The following PLCXD3 variants were observed in gnomAD, a reference collection of about 807,000 sequenced individuals.
PLCXD3 encodes the protein phosphatidylinositol specific phospholipase C X domain containing 3.
A neutral mutation model predicts 25.5 loss-of-function variants in PLCXD3; 19 were observed. The observed-to-expected ratio is 0.75, with a 90% CI of 0.52 to 1.09. PLCXD3 has a LOEUF of 1.09. Ranked by LOEUF, PLCXD3 falls within the 50% of genes least tolerant of loss-of-function variation. The probability of loss-of-function intolerance (pLI) is 0.00; values close to 1 mark genes in which losing one functional copy is unlikely to be tolerated. For missense variants in PLCXD3, 411 were observed against 388.1 expected (o/e 1.06, Z -0.50); for synonymous variants, 174 against 137.6 (o/e 1.26, Z -1.85).
rs191904424 is a variant in PLCXD3, at chr5:41,482,397, G to A, written c.103+28027C>T. Among the ~76,000 whole-genome samples, 308 of 152,264 alleles carry A rather than the reference G, an allele frequency of 2.0e-3. 1 individual carries two copies. The highest frequency in any genetic ancestry group is 6.8e-3 in the African/African-American group (283 of 41,560). On this transcript the variant is annotated intron_variant, in intron 1 of 2. Transcript: ENST00000377801. ...GTGTCTGGGCCACGTGACTCGTAAC[G>A]TACTTACAAATCTAGGAAGAGAGTT...
intron 1 of PLCXD3, among the ~76,000 whole-genome samples, chr5:41,391,292 T>C (rs1745807657): frequency 6.6e-6 from 1 of 152,018 alleles, no homozygotes; most frequent in African/African-American, 2.4e-5. Flanking sequence ...AGCTTGAGGC[T>C]CCAAAAGAGA....
intron 1 of PLCXD3, among the ~76,000 whole-genome samples, chr5:41,498,138 G>T (rs1489161030): frequency 6.6e-6 from 1 of 151,160 alleles, no homozygotes; most frequent in East Asian, 1.9e-4. Flanking sequence ...ATTAGAAAAA[G>T]AATGGCAATC....
chr5:41,384,054 TAAC>T (rs1745565114), intron 1 of PLCXD3, among the ~76,000 whole-genome samples: 2 of 152,226 alleles, frequency 1.3e-5, no homozygotes, highest in African/African-American at 4.8e-5. Flanking sequence ...CTGAAAATCA[TAAC>T]CTTTAAAATT....
Position 41,308,621 on chromosome 5 carries a change from G to A in PLCXD3, c.*4996C>T, listed in dbSNP as rs1743056324. 1 of 152,068 alleles carries A rather than the reference G, an allele frequency of 6.6e-6. No homozygotes were observed. The highest frequency in any genetic ancestry group is 1.5e-5 in the Non-Finnish European group (1 of 67,986). The allele number at this position is 152,068 out of a possible 1,614,324, so 9.4% of individuals were successfully genotyped here. A position where few individuals can be genotyped will look rare whatever the true frequency, so the allele number is the denominator to read the frequency against. On this transcript the variant is annotated 3_prime_UTR_variant, in exon 3 of 3. Transcript: ENST00000377801. Reference sequence around the variant, plus strand: ...TTGCATGCTTGTTTTCTCGAGAAGAGAACCATGTTGGAACCACCTAGTATG... The same window carrying A: ...TTGCATGCTTGTTTTCTCGAGAAGAAAACCATGTTGGAACCACCTAGTATG...
At chr5:41,367,109 T>C (rs1358116305) in intron 2 of PLCXD3, among the ~76,000 whole-genome samples, 2 of 152,222 alleles carry the variant, frequency 1.3e-5, no homozygotes, top group Admixed American at 1.3e-4. Context: ...TACACATGCA[T>C]GGATCTTTAT....
At chr5:41,403,119 A>G (rs1464919289) in intron 1 of PLCXD3, among the ~76,000 whole-genome samples, 1 of 151,818 alleles carries the variant, frequency 6.6e-6, no homozygotes, top group South Asian at 2.1e-4. Context: ...TCAGAATTCT[A>G]TCTTATGCCA....
chr5:41,486,394 A>G (rs921420823), intron 1 of PLCXD3, among the ~76,000 whole-genome samples: 1 of 152,044 alleles, frequency 6.6e-6, no homozygotes, highest in Admixed American at 6.6e-5. Flanking sequence ...GGAAGATTCT[A>G]TCACTCTCTC....
At chr5:41,492,507 C>G (rs1195968829) in intron 1 of PLCXD3, among the ~76,000 whole-genome samples, 1 of 152,190 alleles carries the variant, frequency 6.6e-6, no homozygotes, top group African/African-American at 2.4e-5. Flanking sequence ...GGAAGTTCTC[C>G]TGGATAATAT....
rs186745815 is a variant in PLCXD3, at chr5:41,414,621, C to G, written c.104-32087G>C. 3.5e-4 allele frequency among the ~76,000 whole-genome samples: 53 copies of G among 152,256 alleles called. No homozygotes were observed. In the East Asian group the frequency reaches 6.6e-3, roughly 19 times the overall value. Reference sequence around the variant, plus strand: ...GCCTGTTACAAATACAGTACTTAACCCTTATTTGCAGTTTTGCCTTCCGCA... The same window carrying G: ...GCCTGTTACAAATACAGTACTTAACGCTTATTTGCAGTTTTGCCTTCCGCA... On this transcript the variant is annotated intron_variant, in intron 1 of 2. Coordinates refer to ENST00000377801, the MANE Select transcript of PLCXD3 (RefSeq NM_001005473.3).
chr5:41,407,870 T>G (rs1746397417), intron 1 of PLCXD3, among the ~76,000 whole-genome samples: 1 of 152,224 alleles, frequency 6.6e-6, no homozygotes, highest in African/African-American at 2.4e-5. Flanking sequence ...TAAAGCCTCC[T>G]CCTCAGTACA....
At position 41,311,455 on chromosome 5, in the gene PLCXD3, GT is replaced by G. The variant is rs1427906488; in HGVS notation, c.*2161del. ...TACTCTTTTTCACACAATATTAAGG[GT>G]TTCAGTCTTAAAATTAAATTATTTA... is the stretch of plus-strand genomic sequence containing the variant. On this transcript the variant is annotated 3_prime_UTR_variant, in exon 3 of 3. Coordinates refer to ENST00000377801, the MANE Select transcript of PLCXD3 (RefSeq NM_001005473.3). 2 of 150,966 alleles carry G rather than the reference GT, an allele frequency of 1.3e-5. No individual in the cohort carries two copies. Among genetic ancestry groups the G allele is most frequent in the African/African-American group, 4.8e-5 (2 of 41,278 alleles). The allele number at this position is 150,966 out of a possible 1,614,324, so 9.4% of individuals were successfully genotyped here.
At chr5:41,509,698 G>A (rs1341348772) in intron 1 of PLCXD3, among the ~76,000 whole-genome samples, 3 of 152,184 alleles carry the variant, frequency 2.0e-5, no homozygotes, top group Non-Finnish European at 4.4e-5. Flanking sequence ...GTAAACATAC[G>A]GTCCGCAAGG....
At chr5:41,404,855 GT>G (rs1746305522) in intron 1 of PLCXD3, among the ~76,000 whole-genome samples, 1 of 152,170 alleles carries the variant, frequency 6.6e-6, no homozygotes, top group South Asian at 2.1e-4. Context: ...GAAGGCCCCA[GT>G]GTGCTGAGGT....
At chr5:41,362,204 A>G (rs1662476256) in intron 2 of PLCXD3, among the ~76,000 whole-genome samples, 1 of 152,246 alleles carries the variant, frequency 6.6e-6, no homozygotes, top group Non-Finnish European at 1.5e-5. Context: ...TTTTGTAGTT[A>G]GAAAATGTGT....
chr5:41,349,075 G>C (rs1744380755), intron 2 of PLCXD3, among the ~76,000 whole-genome samples: 1 of 152,112 alleles, frequency 6.6e-6, no homozygotes, highest in African/African-American at 2.4e-5. Context: ...TCCATCTACA[G>C]ATACTGACAG....
At chr5:41,408,414 C>T (rs960632437) in intron 1 of PLCXD3, among the ~76,000 whole-genome samples, 5 of 152,120 alleles carry the variant, frequency 3.3e-5, no homozygotes, top group Non-Finnish European at 7.4e-5. Context: ...TATACACAAA[C>T]ACACATACAT....
chr5:41,387,496 T>C (rs559639496), intron 1 of PLCXD3, among the ~76,000 whole-genome samples: 1 of 152,100 alleles, frequency 6.6e-6, no homozygotes, highest in Non-Finnish European at 1.5e-5. Context: ...AGTATTACAG[T>C]ATAGTTGAGA....
At chr5:41,337,769 A>G (rs937866902) in intron 2 of PLCXD3, among the ~76,000 whole-genome samples, 5 of 152,158 alleles carry the variant, frequency 3.3e-5, no homozygotes, top group African/African-American at 1.2e-4. Flanking sequence ...CTGTAAGAAA[A>G]TAATATTCAT....
At chr5:41,459,791 T>A (rs1747834105) in intron 1 of PLCXD3, among the ~76,000 whole-genome samples, 1 of 151,900 alleles carries the variant, frequency 6.6e-6, no homozygotes, top group Non-Finnish European at 1.5e-5. Flanking sequence ...CAGATTTATA[T>A]CACTTCTTGC....
Sources: gnomAD v4.1 joint callset for allele counts (sites outside exome capture counted in the v4.1 genomes callset) on GRCh38, gnomAD v4.1.1 for gene constraint, MANE v1.5 for transcripts, NCBI Gene and HGNC (gene_info 2026-07-23, HGNC 2026-07-21) for gene names.